The following CIP2A variants were observed in gnomAD, a reference collection of about 807,000 sequenced individuals.
CIP2A encodes protein CIP2A.
A neutral mutation model predicts 110.9 loss-of-function variants in CIP2A; 103 were observed. That is an observed-to-expected ratio of 0.93 (90% CI 0.79 to 1.09). The LOEUF (loss-of-function observed/expected upper bound fraction) is 1.09. Ranked by LOEUF, CIP2A falls within the 50% of genes least tolerant of loss-of-function variation. The pLI is 0.00. For synonymous variants in CIP2A, 381 were observed against 361.6 expected (o/e 1.05, Z -0.61); for missense variants, 1,088 against 1,038.4 (o/e 1.05, Z -0.66).
Position 108,550,615 on chromosome 3 carries a change from G to A in CIP2A, c.*534C>T, listed in dbSNP as rs1576293808. On this transcript the variant is annotated 3_prime_UTR_variant, in exon 21 of 21. Coordinates refer to ENST00000295746, the MANE Select transcript of CIP2A (RefSeq NM_020890.3). ...TTTCAAATTTAGAAATTATGCTACA[G>A]CAGTATAAAAATTATTTTAAATTCA... 1.3e-5 allele frequency: 2 copies of A among 151,334 alleles called. No homozygotes were observed. The highest frequency in any genetic ancestry group is 4.8e-5 in the African/African-American group (2 of 41,342). The allele number at this position is 151,334 out of a possible 1,614,324, so 9.4% of individuals were successfully genotyped here. A position where few individuals can be genotyped will look rare whatever the true frequency, so the allele number is the denominator to read the frequency against.
Position 108,565,415 on chromosome 3 carries a change from C to G in CIP2A, c.1455G>C (p.Leu485Phe), listed in dbSNP as rs772103726. The G allele has an allele frequency of 1.2e-6, 2 of 1,600,732 alleles. No homozygotes were observed. Among genetic ancestry groups the G allele is most frequent in the Non-Finnish European group, 1.7e-6 (2 of 1,173,102 alleles). The stretch of plus-strand genomic sequence containing the variant: ...GAACCAATGGTTTAAGTTTGTTAAT[C>G]AAATCAAGAGTTTTCAAAATTACAT... ...AADVILKTLD[L>F]INKLKPLVPG... The change falls in exon 12 of 21, where the codon TTG (leucine) becomes TTC (phenylalanine). Residue 485 changes from leucine to phenylalanine, a missense_variant. Transcript: ENST00000295746.
intron 8 of CIP2A, among the ~76,000 whole-genome samples, chr3:108,570,414 CACTT>C (rs1243904067): frequency 2.0e-5 from 3 of 152,050 alleles, no homozygotes; most frequent in Non-Finnish European, 4.4e-5. Context: ...AGTCATGTGT[CACTT>C]AGTGATGCAT....
In CIP2A at chr3:108,550,936, T is replaced by C; in HGVS notation, c.*213A>G. ...AAGAACCAAAGAAAACCTTAAGCCA[T>C]AAAAGCCAGAAACAAAAAGTAAAAC... is the stretch of plus-strand genomic sequence containing the variant. On this transcript the variant is annotated 3_prime_UTR_variant, in exon 21 of 21. Coordinates refer to ENST00000295746, the MANE Select transcript of CIP2A (RefSeq NM_020890.3). The C allele has an allele frequency of 6.5e-6, 2 of 309,854 alleles. No individual in the cohort carries two copies. Among genetic ancestry groups the C allele is most frequent in the Non-Finnish European group, 1.2e-5 (2 of 171,532 alleles). The allele number at this position is 309,854 out of a possible 1,614,324, so 19.2% of individuals were successfully genotyped here. A position where few individuals can be genotyped will look rare whatever the true frequency, so the allele number is the denominator to read the frequency against.
intron 7 of CIP2A, among the ~76,000 whole-genome samples, chr3:108,578,022 G>A (rs147061595): frequency 1.1e-3 from 163 of 152,304 alleles, no homozygotes; most frequent in African/African-American, 3.4e-3. Flanking sequence ...TAGTAACCAT[G>A]CAGTTAAGTT....
chr3:108,581,758 G>A (rs939976986), intron 4 of CIP2A, among the ~76,000 whole-genome samples: 8 of 152,012 alleles, frequency 5.3e-5, no homozygotes, highest in East Asian at 1.9e-4. Context: ...CTGTCAGCGT[G>A]GACCATGTGC....
chr3:108,589,218 T>C, intron 1 of CIP2A, 56 bp downstream of exon 1: 8 of 1,345,208 alleles, frequency 5.9e-6, no homozygotes, highest in Non-Finnish European at 8.5e-6. Flanking sequence ...GGCCTCACTG[T>C]GAAATAAGAA....
At chr3:108,585,588 T>G in intron 1 of CIP2A, 1 of 417,972 alleles carries the variant, frequency 2.4e-6, no homozygotes, top group South Asian at 1.8e-5. Flanking sequence ...GAACATGCGA[T>G]GAAGGCATAG....
intron 8 of CIP2A, among the ~76,000 whole-genome samples, chr3:108,572,897 G>A (rs1938447957): frequency 1.3e-5 from 2 of 151,886 alleles, no homozygotes; most frequent in African/African-American, 2.4e-5. Context: ...TAATCTTGAG[G>A]AAAGCTTTCA....
At chr3:108,580,710 C>A (rs1938842211) in intron 5 of CIP2A, among the ~76,000 whole-genome samples, 1 of 151,994 alleles carries the variant, frequency 6.6e-6, no homozygotes, top group East Asian at 1.9e-4. Flanking sequence ...CTCACTCCAA[C>A]CTCCACCTCC....
chr3:108,584,496 T>C (rs566277789), intron 2 of CIP2A, among the ~76,000 whole-genome samples: 1 of 152,212 alleles, frequency 6.6e-6, no homozygotes, highest in African/African-American at 2.4e-5. Flanking sequence ...TGGTAGCCAC[T>C]AGCCTTCATG....
intron 17 of CIP2A, among the ~76,000 whole-genome samples, chr3:108,556,091 A>T (rs1412651977): frequency 6.6e-6 from 1 of 152,244 alleles, no homozygotes; most frequent in East Asian, 1.9e-4. Flanking sequence ...CTAATACTAC[A>T]CTTTATCAGT....
chr3:108,576,326 C>G lies in CIP2A; in HGVS notation c.839G>C (p.Cys280Ser). 1 of 1,555,362 alleles carries G rather than the reference C, an allele frequency of 6.4e-7. No individual in the cohort carries two copies. Among genetic ancestry groups the G allele is most frequent in the Non-Finnish European group, 8.7e-7 (1 of 1,146,556 alleles). ...AAGAAGACCTAATACTTGGTGAAGACATGAAGAAAAGTGCTCATATCTAGG... is the reference window on the plus strand; with the variant it reads ...AAGAAGACCTAATACTTGGTGAAGAGATGAAGAAAAGTGCTCATATCTAGG... ...YLTRYEHFSS[C>S]LHQVLGLLNG... The change falls in exon 8 of 21, where the codon TGT becomes TCT. Residue 280 changes from cysteine (C) to serine (S), a missense_variant. Cys to Ser is a moderately radical substitution (Grantham distance 112). Transcript: ENST00000295746.
intron 12 of CIP2A, 69 bp from the exon 13 acceptor site, chr3:108,563,313 G>A: frequency 1.1e-6 from 1 of 879,116 alleles, no homozygotes; most frequent in Non-Finnish European, 1.9e-6. Context: ...TTAGATAGGA[G>A]GTGAGTAAAT....
chr3:108,563,344 G>A, intron 12 of CIP2A, 100 bp from the exon 13 acceptor site: 1 of 726,664 alleles, frequency 1.4e-6, no homozygotes, highest in Non-Finnish European at 2.4e-6. Context: ...CTTAATTCTA[G>A]GCAAATTCTA....
At chr3:108,553,898 A>AAAAAAAAAAAT (rs1937689693) in intron 18 of CIP2A, among the ~76,000 whole-genome samples, 168 bp from the exon 19 acceptor site, 1 of 117,572 alleles carries the variant, frequency 8.5e-6, no homozygotes, top group Non-Finnish European at 1.8e-5. Context: ...TAAAAATATA[A>AAAAAAAAAAAT]AAAAAAAAAA....
chr3:108,575,528 A>G (rs12493337), intron 8 of CIP2A, among the ~76,000 whole-genome samples: 11,555 of 94,788 alleles, frequency 0.12, 1,206 homozygotes, highest in Non-Finnish European at 0.16. Flanking sequence ...ACATATATAC[A>G]CGTATATATA....
chr3:108,575,766 GTGTATATATACTCATATACATGTGTA>G lies in CIP2A; in HGVS notation c.894+479_894+504del, dbSNP rs1422635520. ...TACTCATATACATGTGTATATATAC[GTGTATATATACTCATATACATGTGTA>G]TATATACGTGTATATATACTCATAT... On this transcript the variant is annotated intron_variant, in intron 8 of 20. Transcript: ENST00000295746. Among the ~76,000 whole-genome samples, 58 of 37,300 alleles carry G rather than the reference GTGTATATATACTCATATACATGTGTA, an allele frequency of 1.6e-3. 17 individuals carry two copies. Among genetic ancestry groups the G allele is most frequent in the African/African-American group, 4.6e-3 (53 of 11,572 alleles). 24.5% of individuals were successfully genotyped at this position (37,300 alleles called of 152,430 possible).
intron 9 of CIP2A, 55 bp from the exon 10 acceptor site, chr3:108,568,369 G>C: frequency 6.9e-7 from 1 of 1,449,508 alleles, no homozygotes; most frequent in Admixed American, 2.0e-5. Context: ...ATACAATACA[G>C]AAAAAGTCAT....
Position 108,559,966 on chromosome 3 carries a change from T to C in CIP2A, c.1890A>G (p.Leu630=), listed in dbSNP as rs1937941843. 1 of 1,597,670 alleles carries C rather than the reference T, an allele frequency of 6.3e-7. No individual in the cohort carries two copies. Among genetic ancestry groups the C allele is most frequent in the Non-Finnish European group, 8.6e-7 (1 of 1,166,474 alleles). ...AGCTTATACTCACAGCTAATGTGGA[T>C]AGTTTCATTTCATATACATCCATTA... ...SDIMDVYEMK[L]STLASKESRL... Residue 630 remains leucine, a synonymous_variant, in exon 15 of 21, where the codon CTA becomes CTG. Coordinates refer to ENST00000295746, the MANE Select transcript of CIP2A (RefSeq NM_020890.3).
Sources: allele counts gnomAD v4.1 joint callset (sites outside exome capture counted in the v4.1 genomes callset), GRCh38; gene constraint gnomAD v4.1.1; transcripts MANE v1.5; gene names NCBI Gene and HGNC (gene_info 2026-07-23, HGNC 2026-07-21).